The following SCAPER variants were observed in gnomAD, a reference collection of about 807,000 sequenced individuals.
SCAPER encodes S-phase cyclin A associated protein in the ER, also known as S phase cyclin A-associated protein in the endoplasmic reticulum.
SCAPER carries 98 observed loss-of-function variants against 182.2 expected under a neutral mutation model. That is an observed-to-expected ratio of 0.54 (90% CI 0.46 to 0.64). The LOEUF (loss-of-function observed/expected upper bound fraction) is 0.64. Among genes scored for constraint, SCAPER ranks in the 30% least tolerant of loss-of-function variants. The pLI, the probability that SCAPER is intolerant of heterozygous loss-of-function variation, is 0.00. For synonymous variants in SCAPER, 605 were observed against 564.6 expected (o/e 1.07, Z -1.01); for missense variants, 1,432 against 1,690.0 (o/e 0.85, Z 2.68).
Position 76,740,035 on chromosome 15 carries a change from A to C in SCAPER, c.1867-6651T>G, listed in dbSNP as rs564353553. Among the ~76,000 whole-genome samples, 159 of 152,260 alleles carry C rather than the reference A, an allele frequency of 1.0e-3. 2 individuals are homozygous for C. Among genetic ancestry groups the C allele is most frequent in the African/African-American group, 3.7e-3 (155 of 41,544 alleles). On this transcript the variant is annotated intron_variant, in intron 15 of 31. Transcript: ENST00000563290. ...TAAAAAATAAGTCAAATTTTGTGGC[A>C]CATGCCTATAGTCCCAGCCACTCAA...
chr15:76,537,489 A>T (rs1238200367), intron 23 of SCAPER, among the ~76,000 whole-genome samples: 3 of 152,064 alleles, frequency 2.0e-5, no homozygotes, highest in Non-Finnish European at 4.4e-5. Context: ...ATTTAATAAA[A>T]GGTGCTGGGA....
chr15:76,785,875 G>C (rs1037846582), intron 8 of SCAPER, among the ~76,000 whole-genome samples: 1 of 152,106 alleles, frequency 6.6e-6, no homozygotes, highest in African/African-American at 2.4e-5. Context: ...GGGGCCTGTC[G>C]TGGGGTGAGG....
chr15:76,527,645 T>C (rs2043306942), intron 23 of SCAPER, among the ~76,000 whole-genome samples: 1 of 152,230 alleles, frequency 6.6e-6, no homozygotes. Flanking sequence ...AGCTGTTGTA[T>C]GGGGCATTTA....
At chr15:76,737,682 A>T (rs113423308) in intron 15 of SCAPER, among the ~76,000 whole-genome samples, 28 of 152,352 alleles carry the variant, frequency 1.8e-4, no homozygotes, top group African/African-American at 6.7e-4. Context: ...TTCCAAGAGA[A>T]GGTTCTTTCA....
At chr15:76,666,615 G>A (rs562626630) in intron 20 of SCAPER, among the ~76,000 whole-genome samples, 3 of 152,250 alleles carry the variant, frequency 2.0e-5, no homozygotes, top group South Asian at 2.1e-4. Flanking sequence ...TACACCTCAA[G>A]TGGCCTCTAG....
intron 23 of SCAPER, among the ~76,000 whole-genome samples, chr15:76,567,972 T>A: frequency 6.6e-6 from 1 of 152,168 alleles, no homozygotes; most frequent in East Asian, 1.9e-4. Flanking sequence ...TAGTCTATAT[T>A]ATCTTCTAAA....
chr15:76,594,350 A>T lies in SCAPER; in HGVS notation c.2712-20066T>A, dbSNP rs1424775947. Among the ~76,000 whole-genome samples, 2 of 121,094 alleles carry T rather than the reference A, an allele frequency of 1.7e-5. 1 individual carries two copies. The highest frequency in any genetic ancestry group is 5.0e-5 in the African/African-American group (2 of 39,622). 79.4% of individuals were successfully genotyped at this position (121,094 alleles called of 152,430 possible). A position where few individuals can be genotyped will look rare whatever the true frequency, so the allele number is the denominator to read the frequency against. ...TGTGAAAAGAACACAACTACGTTTGATTGGTGTGCCTGAAAGTGACTGGGA... is the reference window on the plus strand; with the variant it reads ...TGTGAAAAGAACACAACTACGTTTGTTTGGTGTGCCTGAAAGTGACTGGGA... On this transcript the variant is annotated intron_variant, in intron 22 of 31. Transcript: ENST00000563290.
rs138251265 is a variant in SCAPER, at chr15:76,538,526, T to A, written c.2839-33552A>T. ...ATGGGAATTGAACAATGAGAACACA[T>A]GGACACAGGAAGGGGAACATCACAC... is the stretch of plus-strand genomic sequence containing the variant. On this transcript the variant is annotated intron_variant, in intron 23 of 31. Transcript: ENST00000563290. Among the ~76,000 whole-genome samples, 4 of 152,122 alleles carry A rather than the reference T, an allele frequency of 2.6e-5. No individual in the cohort carries two copies. In the East Asian group the frequency reaches 5.8e-4, roughly 22 times the overall value.
chr15:76,547,065 C>CTTCT (rs1314057043), intron 23 of SCAPER, among the ~76,000 whole-genome samples: 1 of 152,078 alleles, frequency 6.6e-6, no homozygotes, highest in Non-Finnish European at 1.5e-5. Context: ...AAGTATAAGC[C>CTTCT]TAGAAATGGA....
intron 16 of SCAPER, among the ~76,000 whole-genome samples, chr15:76,732,021 T>C (rs1038610776): frequency 2.0e-5 from 3 of 152,350 alleles, no homozygotes; most frequent in African/African-American, 7.2e-5. Flanking sequence ...AGCTGATGAT[T>C]CTATTGCTAT....
At chr15:76,460,233 G>C (rs1288035917) in intron 25 of SCAPER, among the ~76,000 whole-genome samples, 2 of 151,960 alleles carry the variant, frequency 1.3e-5, no homozygotes, top group Non-Finnish European at 1.5e-5. Context: ...GTCCTCATCA[G>C]TTTCTTTCTC....
At chr15:76,814,708 A>AT (rs535215952) in intron 5 of SCAPER, among the ~76,000 whole-genome samples, 13 of 152,122 alleles carry the variant, frequency 8.5e-5, no homozygotes, top group Admixed American at 5.2e-4. Flanking sequence ...TCAAGCAATA[A>AT]TTTTTTTGGT....
chr15:76,605,784 C>T (rs2050335254), intron 22 of SCAPER, among the ~76,000 whole-genome samples: 1 of 152,206 alleles, frequency 6.6e-6, no homozygotes, highest in Non-Finnish European at 1.5e-5. Flanking sequence ...TTATCCATTT[C>T]TTCTAGATTT....
At position 76,598,545 on chromosome 15, in the gene SCAPER, C is replaced by A. The variant is rs2049675562; in HGVS notation, c.2711+23219G>T. Among the ~76,000 whole-genome samples the A allele has an allele frequency of 3.3e-5, 4 of 121,378 alleles. 2 individuals are homozygous for A. The highest frequency in any genetic ancestry group is 8.0e-5 in the Non-Finnish European group (4 of 50,018). The allele number at this position is 121,378 out of a possible 152,430, so 79.6% of individuals were successfully genotyped here. The stretch of plus-strand genomic sequence containing the variant: ...TTTTCACAATAGCAAAGACTTGGAA[C>A]CAACCCAAATGCCCATCAATGATAG... On this transcript the variant is annotated intron_variant, in intron 22 of 31. Transcript: ENST00000563290.
chr15:76,842,187 T>C (rs908111339), intron 4 of SCAPER, among the ~76,000 whole-genome samples: 1 of 152,134 alleles, frequency 6.6e-6, no homozygotes, highest in Non-Finnish European at 1.5e-5. Flanking sequence ...TATGCATAGG[T>C]TATATGCAAA....
chr15:76,348,507 G>A lies in SCAPER; in HGVS notation c.*126C>T. The stretch of plus-strand genomic sequence containing the variant: ...TCATTATAAATAGTGTAAAGTACAT[G>A]CCATATCTACAGTGTGGGAAGAGTA... On this transcript the variant is annotated 3_prime_UTR_variant, in exon 32 of 32. Transcript: ENST00000563290. 1 of 597,524 alleles carries A rather than the reference G, an allele frequency of 1.7e-6. No individual in the cohort carries two copies. Among genetic ancestry groups the A allele is most frequent in the East Asian group, 2.9e-5 (1 of 34,630 alleles). 37.0% of individuals were successfully genotyped at this position (597,524 alleles called of 1,614,324 possible).
chr15:76,904,707 T>C (rs926103738), intron 1 of SCAPER: 2 of 152,344 alleles, frequency 1.3e-5, no homozygotes, highest in African/African-American at 4.8e-5. Context: ...TACTCCCAGG[T>C]GCGAGAGGCT....
chr15:76,725,150 G>A (rs910005538), intron 17 of SCAPER, among the ~76,000 whole-genome samples: 1 of 151,908 alleles, frequency 6.6e-6, no homozygotes, highest in Non-Finnish European at 1.5e-5. Context: ...ATTTATAATT[G>A]TATAACAGGA....
At chr15:76,497,078 C>G (rs982254534) in intron 24 of SCAPER, among the ~76,000 whole-genome samples, 4 of 143,642 alleles carry the variant, frequency 2.8e-5, no homozygotes, top group Non-Finnish European at 6.0e-5. Flanking sequence ...TTCCAGCCCC[C>G]TTCTGTCCCA....
Sources: allele counts gnomAD v4.1 joint callset (sites outside exome capture counted in the v4.1 genomes callset), GRCh38; gene constraint gnomAD v4.1.1; transcripts MANE v1.5; gene names NCBI Gene and HGNC (gene_info 2026-07-23, HGNC 2026-07-21).